Variants in THSD4 observed in about 807,000 individuals in gnomAD.
THSD4 encodes the protein thrombospondin type-1 domain-containing protein 4.
In THSD4, 69 loss-of-function variants were observed where a neutral mutation model predicts 119.0. That is an observed-to-expected ratio of 0.58 (90% CI 0.48 to 0.71). The LOEUF is 0.71. THSD4 is among the 30% of genes least tolerant of loss of function. The pLI, the probability that THSD4 is intolerant of heterozygous loss-of-function variation, is 0.00. For synonymous variants in THSD4, 524 were observed against 540.4 expected (o/e 0.97, Z 0.42); for missense variants, 1,393 against 1,391.1 (o/e 1.00, Z -0.02).
intron 6 of THSD4, among the ~76,000 whole-genome samples, chr15:71,386,918 A>G (rs1309053378): frequency 1.3e-5 from 2 of 152,254 alleles, no homozygotes; most frequent in Non-Finnish European, 2.9e-5. Flanking sequence ...GTTTGGAAAC[A>G]GAACAGAAAA....
intron 6 of THSD4, among the ~76,000 whole-genome samples, chr15:71,334,887 G>A (rs191580283): frequency 1.2e-4 from 18 of 152,298 alleles, no homozygotes; most frequent in African/African-American, 3.4e-4. Flanking sequence ...GGGGGAATCC[G>A]TTACAAAATC....
At chr15:71,106,256 C>T (rs1034093288) in intron 1 of THSD4, among the ~76,000 whole-genome samples, 8 of 152,046 alleles carry the variant, frequency 5.3e-5, no homozygotes, top group East Asian at 1.9e-4. Context: ...CCCACTGTGA[C>T]GCAGGCCTCA....
intron 6 of THSD4, among the ~76,000 whole-genome samples, chr15:71,368,123 A>G (rs1371562093): frequency 2.0e-5 from 3 of 151,838 alleles, no homozygotes; most frequent in Middle Eastern, 3.4e-3. Context: ...CCACTTTTTG[A>G]TGGGGTTGTT....
At chr15:71,374,270 A>G (rs2046101216) in intron 6 of THSD4, among the ~76,000 whole-genome samples, 1 of 152,168 alleles carries the variant, frequency 6.6e-6, no homozygotes, top group African/African-American at 2.4e-5. Flanking sequence ...TTCATTTCAA[A>G]TGTACCATGA....
At chr15:71,470,705 G>A (rs571915418) in intron 7 of THSD4, among the ~76,000 whole-genome samples, 5 of 151,330 alleles carry the variant, frequency 3.3e-5, no homozygotes, top group South Asian at 4.2e-4. Flanking sequence ...GCGCAATCTC[G>A]GCTCACTGCA....
chr15:71,370,473 T>C (rs1192379629), intron 6 of THSD4, among the ~76,000 whole-genome samples: 2 of 152,228 alleles, frequency 1.3e-5, no homozygotes, highest in African/African-American at 4.8e-5. Context: ...GAGATTTTGG[T>C]ACGTTGTGTC....
intron 1 of THSD4, among the ~76,000 whole-genome samples, chr15:71,121,586 T>C (rs2040409505): frequency 1.3e-5 from 2 of 152,162 alleles, no homozygotes; most frequent in Non-Finnish European, 2.9e-5. Context: ...GCTGCCCCTT[T>C]GATGACATTA....
At chr15:71,678,081 C>A (rs1003500801) in intron 8 of THSD4, among the ~76,000 whole-genome samples, 60 of 152,302 alleles carry the variant, frequency 3.9e-4, no homozygotes, top group African/African-American at 1.3e-3. Context: ...AGCTGAGAAT[C>A]CATTATCTGC....
intron 5 of THSD4, among the ~76,000 whole-genome samples, chr15:71,243,781 C>CTTTTTTT (rs34842560): frequency 3.8e-5 from 4 of 104,932 alleles, no homozygotes; most frequent in Admixed American, 1.2e-4. Flanking sequence ...GTGCTCAGCA[C>CTTTTTTT]TTTTTTTTTT....
intron 8 of THSD4, among the ~76,000 whole-genome samples, chr15:71,685,056 C>T (rs2051878152): frequency 6.6e-6 from 1 of 151,894 alleles, no homozygotes; most frequent in South Asian, 2.1e-4. Flanking sequence ...CTGATATATT[C>T]TCTTATTTGG....
chr15:71,740,334 G>A (rs772464137), intron 11 of THSD4, among the ~76,000 whole-genome samples: 10 of 152,110 alleles, frequency 6.6e-5, no homozygotes, highest in South Asian at 4.1e-4. Context: ...ATAGGAACCC[G>A]AAATCAAAAT....
rs2044659815 is a variant in THSD4 at position 71,282,107 on chromosome 15, A to C, written c.1015+25392A>C. On this transcript the variant is annotated intron_variant, in intron 6 of 17. Transcript: ENST00000261862. The stretch of plus-strand genomic sequence containing the variant: ...TAAATGTTAGCTATTATTACTATTT[A>C]CTGTTATTTTTCTAGTCCCAAAGAT... Among the ~76,000 whole-genome samples the C allele has an allele frequency of 2.0e-5, 3 of 152,228 alleles. No individual in the cohort carries two copies. In the South Asian group the frequency reaches 6.2e-4, roughly 32 times the overall value.
At chr15:71,509,720 A>T (rs2048249855) in intron 7 of THSD4, among the ~76,000 whole-genome samples, 1 of 152,138 alleles carries the variant, frequency 6.6e-6, no homozygotes, top group Non-Finnish European at 1.5e-5. Context: ...TTAATAAAGA[A>T]CCTCAAATGG....
At chr15:71,372,890 G>A (rs1262933871) in intron 6 of THSD4, among the ~76,000 whole-genome samples, 1 of 152,238 alleles carries the variant, frequency 6.6e-6, no homozygotes, top group African/African-American at 2.4e-5. Context: ...GTCTACAGAG[G>A]CAGGCAGGCC....
At chr15:71,723,155 C>T (rs2052755970) in intron 8 of THSD4, among the ~76,000 whole-genome samples, 1 of 151,388 alleles carries the variant, frequency 6.6e-6, no homozygotes, top group African/African-American at 2.4e-5. Context: ...AAGTATATCT[C>T]TCAAGTAGTT....
rs1555413343 is a variant in THSD4, at chr15:71,434,462, T to TTA, written c.1152+22639_1152+22640insTA. On this transcript the variant is annotated intron_variant, in intron 7 of 17. Transcript: ENST00000261862. Reference sequence around the variant, plus strand: ...TTTTTTTTTTTTTTTTTTTTTTTTTTAATTTCTGAAGGGGTTTAAGGATTG... The same window carrying TTA: ...TTTTTTTTTTTTTTTTTTTTTTTTTTTAAATTTCTGAAGGGGTTTAAGGATTG... Among the ~76,000 whole-genome samples the TTA allele has an allele frequency of 5.9e-3, 742 of 124,884 alleles. 28 individuals carry two copies. Among genetic ancestry groups the TTA allele is most frequent in the Middle Eastern group, 0.018 (4 of 220 alleles). 81.9% of individuals were successfully genotyped at this position (124,884 alleles called of 152,430 possible). A position where few individuals can be genotyped will look rare whatever the true frequency, so the allele number is the denominator to read the frequency against.
At position 71,670,861 on chromosome 15, in the gene THSD4, G is replaced by A. The variant is rs550857436; in HGVS notation, c.1357+10127G>A. Among the ~76,000 whole-genome samples, 130 of 152,268 alleles carry A rather than the reference G, an allele frequency of 8.5e-4. No homozygotes were observed. The South Asian group carries it at 9.3e-3, about 11-fold the overall frequency. ...TTATGGCTGCATAGTATTCCATGGT[G>A]TATATGTGCCACATTTTCTTAATCC... On this transcript the variant is annotated intron_variant, in intron 8 of 17. Coordinates refer to ENST00000261862, the MANE Select transcript of THSD4 (RefSeq NM_024817.3).
chr15:71,692,351 G>A (rs1340925159), intron 8 of THSD4, among the ~76,000 whole-genome samples: 1 of 152,256 alleles, frequency 6.6e-6, no homozygotes, highest in East Asian at 1.9e-4. Flanking sequence ...AACACGAGAG[G>A]ACTTTTTTCC....
At chr15:71,702,295 ACT>A (rs771327910) in intron 8 of THSD4, among the ~76,000 whole-genome samples, 6 of 151,810 alleles carry the variant, frequency 4.0e-5, no homozygotes, top group Non-Finnish European at 8.8e-5. Flanking sequence ...TCATATTTAA[ACT>A]CTTAGTTAAT....
Sources: allele counts gnomAD v4.1 joint callset (sites outside exome capture counted in the v4.1 genomes callset), GRCh38; gene constraint gnomAD v4.1.1; transcripts MANE v1.5; gene names NCBI Gene and HGNC (gene_info 2026-07-23, HGNC 2026-07-21).